CGRRF1: variants seen among roughly 807,000 people sequenced by gnomAD.
The protein encoded by CGRRF1 is cell growth regulator with RING finger domain protein 1.
CGRRF1 carries 32 observed loss-of-function variants against 37.2 expected under a neutral mutation model. The ratio of observed to expected loss-of-function variants is 0.86; its 90% confidence interval spans 0.65 to 1.16. The LOEUF (loss-of-function observed/expected upper bound fraction) is 1.16. Among genes scored for constraint, CGRRF1 ranks in the 50% most tolerant of loss-of-function variants. The pLI, the probability that CGRRF1 is intolerant of heterozygous loss-of-function variation, is 0.00. For synonymous variants in CGRRF1, 141 were observed against 140.3 expected (o/e 1.00, Z -0.04); for missense variants, 391 against 382.6 (o/e 1.02, Z -0.18).
rs749615752 is a variant in CGRRF1 at position 54,530,171 on chromosome 14, C to G, written c.367C>G (p.Pro123Ala). The part of the protein sequence containing the change: ...KHVYCFRIST[P>A]QALEDALYSE... ...TGTTTATTGCTTCAGAATAAGCACTCCCCAAGCATTAGAAGATGCTCTGTA... is the reference window on the plus strand; with the variant it reads ...TGTTTATTGCTTCAGAATAAGCACTGCCCAAGCATTAGAAGATGCTCTGTA... Residue 123 changes from proline to alanine, a missense_variant, in exon 3 of 6, where the codon CCC becomes GCC. Transcript: ENST00000216420. The G allele has an allele frequency of 1.9e-6, 3 of 1,613,346 alleles. No homozygotes were observed. The East Asian group carries it at 6.7e-5, about 36-fold the overall frequency.
chr14:54,529,180 A>G (rs1259722676), intron 2 of CGRRF1, among the ~76,000 whole-genome samples: 2 of 152,150 alleles, frequency 1.3e-5, no homozygotes, highest in Admixed American at 1.3e-4. Context: ...GCCAAGGAGT[A>G]CTACACGTTA....
At chr14:54,520,477 A>G (rs2032297659) in intron 1 of CGRRF1, among the ~76,000 whole-genome samples, 1 of 152,194 alleles carries the variant, frequency 6.6e-6, no homozygotes, top group African/African-American at 2.4e-5. Flanking sequence ...GTGTTATCAA[A>G]CACATCATCT....
At chr14:54,535,105 T>C (rs1056250785) in intron 4 of CGRRF1, among the ~76,000 whole-genome samples, 1 of 152,222 alleles carries the variant, frequency 6.6e-6, no homozygotes, top group African/African-American at 2.4e-5. Context: ...ACGTGATGAT[T>C]CTTTACCCCT....
At chr14:54,527,308 C>G (rs1057106767) in intron 2 of CGRRF1, among the ~76,000 whole-genome samples, 17 of 152,074 alleles carry the variant, frequency 1.1e-4, no homozygotes, top group Non-Finnish European at 2.4e-4. Flanking sequence ...ATTCTCCCCT[C>G]AGTTTATGTA....
intron 1 of CGRRF1, among the ~76,000 whole-genome samples, chr14:54,513,601 GT>G (rs2032166382): frequency 2.6e-5 from 4 of 150,966 alleles, no homozygotes; most frequent in African/African-American, 7.3e-5. Flanking sequence ...GTTATGTTAT[GT>G]TATGTTATGT....
chr14:54,531,479 T>C (rs2032513465), intron 4 of CGRRF1, among the ~76,000 whole-genome samples: 1 of 152,170 alleles, frequency 6.6e-6, no homozygotes, highest in South Asian at 2.1e-4. Context: ...TATTCTGTCA[T>C]ATTTGCTGTA....
rs371219880 is a variant in CGRRF1 at position 54,509,955 on chromosome 14, C to T, written c.-5C>T. ...GAGCCGGGCTCTACCCAGAGCAAGACCCTGATGGCTGCGGTGTTTCTGGTA... is the reference window on the plus strand; with the variant it reads ...GAGCCGGGCTCTACCCAGAGCAAGATCCTGATGGCTGCGGTGTTTCTGGTA... On this transcript the variant is annotated 5_prime_UTR_variant, in exon 1 of 6. Coordinates refer to ENST00000216420, the MANE Select transcript of CGRRF1 (RefSeq NM_006568.3). 81 of 1,608,566 alleles carry T rather than the reference C, an allele frequency of 5.0e-5. No homozygotes were observed. The highest frequency in any genetic ancestry group is 6.1e-5 in the Non-Finnish European group (72 of 1,175,110).
At position 54,530,289 on chromosome 14, in the gene CGRRF1, G is replaced by A. The variant is rs145180576; in HGVS notation, c.422+63G>A. ...TTAGACTTCTTATGGATAAAGTGTT[G>A]CTAACTTATTGATCATTCTTGGTAT... On this transcript the variant is annotated intron_variant, in intron 3 of 5. Transcript: ENST00000216420. 3.4e-4 allele frequency: 474 copies of A among 1,413,988 alleles called. 5 individuals are homozygous for A. In the East Asian group the frequency reaches 0.01, roughly 30 times the overall value. The allele number at this position is 1,413,988 out of a possible 1,614,324, so 87.6% of individuals were successfully genotyped here.
At chr14:54,515,528 A>G (rs1022470040) in intron 1 of CGRRF1, among the ~76,000 whole-genome samples, 10 of 152,262 alleles carry the variant, frequency 6.6e-5, no homozygotes, top group Non-Finnish European at 1.0e-4. Context: ...ATTTCTGACT[A>G]TAATTGTGGA....
chr14:54,538,567 G>A lies in CGRRF1; in HGVS notation c.*184G>A, dbSNP rs1277341270. 2 of 458,590 alleles carry A rather than the reference G, an allele frequency of 4.4e-6. No homozygotes were observed. Among genetic ancestry groups the A allele is most frequent in the Non-Finnish European group, 3.8e-6 (1 of 262,344 alleles). The allele number at this position is 458,590 out of a possible 1,614,324, so 28.4% of individuals were successfully genotyped here. On this transcript the variant is annotated 3_prime_UTR_variant, in exon 6 of 6. Transcript: ENST00000216420. ...CCTTTCTGCTTAGTGAATGAATACT[G>A]GAATCCATCTGTGTTGATACATAAA...
intron 4 of CGRRF1, among the ~76,000 whole-genome samples, chr14:54,533,218 A>T (rs969665037): frequency 7.9e-5 from 12 of 151,728 alleles, no homozygotes; most frequent in Admixed American, 6.6e-4. Context: ...GTGTGTTTTC[A>T]GTTCAGTGGC....
chr14:54,522,352 T>G, intron 1 of CGRRF1, 102 bp from the exon 2 acceptor site: 2 of 807,984 alleles, frequency 2.5e-6, no homozygotes, highest in Non-Finnish European at 3.6e-6. Flanking sequence ...TTTCTGACAC[T>G]TAATGCTAAA....
At chr14:54,537,567 A>C in intron 4 of CGRRF1, 155 bp from the exon 5 acceptor site, 14 of 746,254 alleles carry the variant, frequency 1.9e-5, no homozygotes, top group Admixed American at 4.1e-5. Flanking sequence ...GATTGACGTA[A>C]ATTTTCTAAT....
Position 54,539,261 on chromosome 14 carries a change from C to T in CGRRF1, c.*878C>T, listed in dbSNP as rs1594660325. 6.6e-6 allele frequency: 1 copy of T among 151,920 alleles called. No individual in the cohort carries two copies. Among genetic ancestry groups the T allele is most frequent in the African/African-American group, 2.4e-5 (1 of 41,382 alleles). 9.4% of individuals were successfully genotyped at this position (151,920 alleles called of 1,614,324 possible). On this transcript the variant is annotated 3_prime_UTR_variant, in exon 6 of 6. Transcript: ENST00000216420. ...ATTTTTTTCTAGTGTATTTTTATTCCAAATAAACCCTGTATTCTTCTGAAT... is the reference window on the plus strand; with the variant it reads ...ATTTTTTTCTAGTGTATTTTTATTCTAAATAAACCCTGTATTCTTCTGAAT...
At chr14:54,516,302 A>G (rs910638573) in intron 1 of CGRRF1, among the ~76,000 whole-genome samples, 1 of 152,096 alleles carries the variant, frequency 6.6e-6, no homozygotes, top group Non-Finnish European at 1.5e-5. Flanking sequence ...TCTTCTTCCC[A>G]AGGCATACTT....
At chr14:54,527,900 C>T (rs2032441565) in intron 2 of CGRRF1, among the ~76,000 whole-genome samples, 1 of 152,040 alleles carries the variant, frequency 6.6e-6, no homozygotes, top group Admixed American at 6.6e-5. Flanking sequence ...GCCACCATGC[C>T]CAGCTAATTT....
intron 2 of CGRRF1, among the ~76,000 whole-genome samples, chr14:54,525,773 T>C (rs1414644071): frequency 1.3e-5 from 2 of 152,046 alleles, no homozygotes; most frequent in Non-Finnish European, 2.9e-5. Flanking sequence ...CAGAAGAGGG[T>C]GAATAATCTA....
At chr14:54,510,207 T>G in intron 1 of CGRRF1, 144 bp downstream of exon 1, 1 of 629,368 alleles carries the variant, frequency 1.6e-6, no homozygotes, top group Non-Finnish European at 2.8e-6. Context: ...AACTCCGACT[T>G]TCTCTGGGAG....
intron 1 of CGRRF1, among the ~76,000 whole-genome samples, chr14:54,522,047 A>G (rs2032326135): frequency 6.6e-6 from 1 of 152,136 alleles, no homozygotes; most frequent in Admixed American, 6.5e-5. Flanking sequence ...CCCACCCCCC[A>G]TATTCTAGGA....
Sources: gnomAD v4.1 joint callset for allele counts (sites outside exome capture counted in the v4.1 genomes callset) on GRCh38, gnomAD v4.1.1 for gene constraint, MANE v1.5 for transcripts, NCBI Gene and HGNC (gene_info 2026-07-23, HGNC 2026-07-21) for gene names.